Variants in INTS6 observed in about 807,000 individuals in gnomAD.
INTS6 encodes the protein integrator complex subunit 6.
INTS6 carries 16 observed loss-of-function variants against 104.9 expected under a neutral mutation model. The observed-to-expected ratio is 0.15, with a 90% CI of 0.10 to 0.23. The LOEUF is 0.23. Among genes scored for constraint, INTS6 ranks in the 10% least tolerant of loss-of-function variants. The pLI is 1.00. For synonymous variants in INTS6, 324 were observed against 358.7 expected, an observed-to-expected ratio of 0.90 and a Z score of 1.09; for missense variants, 584 against 1,062.8, an observed-to-expected ratio of 0.55 and a Z score of 6.26.
intron 4 of INTS6, among the ~76,000 whole-genome samples, chr13:51,426,717 T>G (rs2138086488): frequency 6.6e-6 from 1 of 152,210 alleles, no homozygotes; most frequent in East Asian, 1.9e-4. Flanking sequence ...CATAATAGTT[T>G]TTCATGGAAC....
At position 51,450,072 on chromosome 13, in the gene INTS6, T is replaced by G. The variant is rs8000264; in HGVS notation, c.339+953A>C. ...TAAAAGTTGTAGTCACAGAAAGAAT[T>G]TCCCTGAAATGTACGAAACTCACAA... On this transcript the variant is annotated intron_variant, in intron 3 of 17. Transcript: ENST00000311234. 2.4e-4 allele frequency: 240 copies of G among 985,380 alleles called. No individual in the cohort carries two copies. The African/African-American group carries it at 3.9e-3, about 16-fold the overall frequency. 61.0% of individuals were successfully genotyped at this position (985,380 alleles called of 1,614,324 possible). A position where few individuals can be genotyped will look rare whatever the true frequency, so the allele number is the denominator to read the frequency against.
chr13:51,377,305 A>G, intron 12 of INTS6, among the ~76,000 whole-genome samples: 1 of 152,068 alleles, frequency 6.6e-6, no homozygotes, highest in East Asian at 1.9e-4. Flanking sequence ...CCCAAGCTGT[A>G]GCTTCCCTCT....
chr13:51,337,393 C>T, the INTS6 span, among the ~76,000 whole-genome samples: 1 of 152,182 alleles, frequency 6.6e-6, no homozygotes, highest in Non-Finnish European at 1.5e-5. Context: ...AGTGCTGGGC[C>T]TCATAGCAGT....
At chr13:51,406,765 T>TC (rs1000888515) in intron 4 of INTS6, among the ~76,000 whole-genome samples, 28 of 152,178 alleles carry the variant, frequency 1.8e-4, no homozygotes, top group African/African-American at 6.8e-4. Context: ...TGTACTACGA[T>TC]CCCTCTTCTT....
chr13:51,342,526 G>A, the INTS6 span, among the ~76,000 whole-genome samples: 3 of 152,308 alleles, frequency 2.0e-5, no homozygotes, highest in African/African-American at 7.2e-5. Context: ...ATTCTGGCAG[G>A]TCTAAAAATG....
At chr13:51,344,484 A>G in the INTS6 span, 3 of 1,566,610 alleles carry the variant, frequency 1.9e-6, no homozygotes, top group Non-Finnish European at 2.6e-6. Flanking sequence ...GAGAGACTGC[A>G]GGTAAAAGAA....
At chr13:51,382,627 T>G (rs1434943504) in intron 9 of INTS6, among the ~76,000 whole-genome samples, 1 of 152,202 alleles carries the variant, frequency 6.6e-6, no homozygotes. Flanking sequence ...AAAATTAAAG[T>G]GTAGATAAAT....
chr13:51,378,047 T>C (rs1955968143), intron 12 of INTS6, among the ~76,000 whole-genome samples, 192 bp downstream of exon 12: 1 of 152,108 alleles, frequency 6.6e-6, no homozygotes, highest in Non-Finnish European at 1.5e-5. Flanking sequence ...TTCATCAATC[T>C]ATCCATTCAT....
chr13:51,412,227 A>T (rs1452994551), intron 4 of INTS6, among the ~76,000 whole-genome samples: 1 of 152,238 alleles, frequency 6.6e-6, no homozygotes, highest in East Asian at 1.9e-4. Context: ...GTAGTATTAA[A>T]TACATTACTT....
chr13:51,398,875 A>AC (rs1956386415), intron 4 of INTS6, among the ~76,000 whole-genome samples: 1 of 152,240 alleles, frequency 6.6e-6, no homozygotes, highest in Non-Finnish European at 1.5e-5. Context: ...AGAACTCTTA[A>AC]CATCCAACAT....
At chr13:51,404,293 TA>T (rs55785764) in intron 4 of INTS6, among the ~76,000 whole-genome samples, 27,464 of 106,546 alleles carry the variant, frequency 0.26, 2,653 homozygotes, top group African/African-American at 0.34. Flanking sequence ...AAGCAAAAAC[TA>T]AAAAAAAAAA....
intron 3 of INTS6, among the ~76,000 whole-genome samples, chr13:51,433,250 T>TGAAACA (rs1310100549): frequency 2.0e-5 from 3 of 151,984 alleles, no homozygotes; most frequent in Non-Finnish European, 2.9e-5. Flanking sequence ...GCGAGACCAG[T>TGAAACA]CTAGGAAACA....
intron 4 of INTS6, among the ~76,000 whole-genome samples, chr13:51,396,133 A>G (rs577983402): frequency 7.3e-4 from 111 of 152,258 alleles, no homozygotes; most frequent in Non-Finnish European, 1.2e-3. Flanking sequence ...ATAGACCTCA[A>G]AAAAATGATT....
chr13:51,383,810 A>G, intron 7 of INTS6, 69 bp from the exon 8 acceptor site: 1 of 1,351,560 alleles, frequency 7.4e-7, no homozygotes, highest in African/African-American at 1.5e-5. Context: ...ATTCCTCATT[A>G]TCAAAATTTA....
chr13:51,345,078 C>T, the INTS6 span, among the ~76,000 whole-genome samples: 2 of 152,108 alleles, frequency 1.3e-5, no homozygotes, highest in Non-Finnish European at 2.9e-5. Context: ...AAATCATGAA[C>T]GTTTACTGAG....
chr13:51,448,627 T>C (rs568505594), intron 3 of INTS6: 1 of 152,184 alleles, frequency 6.6e-6, no homozygotes, highest in Non-Finnish European at 1.5e-5. Flanking sequence ...AAAAATCATA[T>C]ATGTGCATAT....
chr13:51,452,248 A>C lies in INTS6; in HGVS notation c.111+167T>G. The C allele has an allele frequency of 1.4e-6, 1 of 716,274 alleles. No homozygotes were observed. Among genetic ancestry groups the C allele is most frequent in the Non-Finnish European group, 1.9e-6 (1 of 538,072 alleles). 44.4% of individuals were successfully genotyped at this position (716,274 alleles called of 1,614,324 possible). ...GGGGCCGGAGCCCGGGCCCCGGCCG[A>C]ACCCGGCTCGCAGCGCCCGCCCGCC... On this transcript the variant is annotated intron_variant, in intron 1 of 17. Coordinates refer to ENST00000311234, the MANE Select transcript of INTS6 (RefSeq NM_012141.3). The surrounding 1 kb of genome is among the most constrained non-coding windows in gnomAD (Gnocchi z 4.2).
chr13:51,401,621 G>T (rs114356631), intron 4 of INTS6, among the ~76,000 whole-genome samples: 3,029 of 152,124 alleles, frequency 0.02, 52 homozygotes, highest in African/African-American at 0.049. Context: ...ACTATTAGAA[G>T]GCGCAAGTTA....
chr13:51,377,024 G>A (rs1955945943), intron 12 of INTS6, among the ~76,000 whole-genome samples: 1 of 152,130 alleles, frequency 6.6e-6, no homozygotes, highest in Non-Finnish European at 1.5e-5. Flanking sequence ...TAGGAGGGTT[G>A]CTCCACATTC....
Sources: allele counts gnomAD v4.1 joint callset (sites outside exome capture counted in the v4.1 genomes callset), GRCh38; gene constraint gnomAD v4.1.1; non-coding constraint Gnocchi (gnomAD v3.1); transcripts MANE v1.5; gene names NCBI Gene and HGNC (gene_info 2026-07-23, HGNC 2026-07-21).